The following C2orf81 variants were observed in gnomAD, a reference collection of about 807,000 sequenced individuals.
C2orf81 encodes the protein chromosome 2 open reading frame 81, also known as uncharacterized protein C2orf81.
Under a neutral mutation model 7.9 loss-of-function variants are expected in C2orf81, and 5 were observed. The ratio of observed to expected loss-of-function variants is 0.63; its 90% confidence interval spans 0.33 to 1.33. The LOEUF is 1.33. C2orf81 is among the 40% of genes most tolerant of loss of function. C2orf81 has a pLI of 0.05. For synonymous variants in C2orf81, 346 were observed against 367.4 expected (o/e 0.94, Z 0.66); for missense variants, 781 against 830.4 (o/e 0.94, Z 0.73).
Position 74,415,936 on chromosome 2 carries a change from G to T in C2orf81, c.250-9C>A, listed in dbSNP as rs1471195890. ...ATGGTGAATGGAATGCACTGCGGAGGCGAGAGAGGATCTCAGGTCGGCAGG... is the reference window on the plus strand; with the variant it reads ...ATGGTGAATGGAATGCACTGCGGAGTCGAGAGAGGATCTCAGGTCGGCAGG... On this transcript the variant is annotated splice_polypyrimidine_tract_variant and intron_variant, in intron 2 of 2. Transcript: ENST00000684111. This position sits in a 1 kb window ranked among gnomAD's most constrained non-coding sequence, Gnocchi z 5.5. The T allele has an allele frequency of 1.9e-6, 3 of 1,546,982 alleles. No individual in the cohort carries two copies. The highest frequency in any genetic ancestry group is 2.0e-5 in the Admixed American group (1 of 50,920).
rs1205979742 is a variant in C2orf81 at position 74,414,974 on chromosome 2, G to A, written c.1203C>T (p.Pro401=). ...GCTGGCGTCCGCGGTAGGCTTCCAAGGGGCGTGTTTGAGAGTCTGGGACCA... is the reference window on the plus strand; with the variant it reads ...GCTGGCGTCCGCGGTAGGCTTCCAAAGGGCGTGTTTGAGAGTCTGGGACCA... The part of the protein sequence containing the change: ...EVLVPDSQTR[P]LEAYRGRQRG... The change falls in exon 3 of 3, where the codon CCC becomes CCT. Residue 401 remains proline, a synonymous_variant. Coordinates refer to ENST00000684111, the MANE Select transcript of C2orf81 (RefSeq NM_001316764.3). This position sits in a 1 kb window ranked among gnomAD's most constrained non-coding sequence, Gnocchi z 5.3. The A allele has an allele frequency of 3.9e-6, 6 of 1,548,576 alleles. No homozygotes were observed. The East Asian group carries it at 1.2e-4, about 32-fold the overall frequency.
chr2:74,420,564 C>A (rs958640420), intron 1 of C2orf81, among the ~76,000 whole-genome samples: 1 of 152,120 alleles, frequency 6.6e-6, no homozygotes, highest in African/African-American at 2.4e-5. Context: ...CCCTATCCAC[C>A]AGTGAGAACA....
rs1277880016 is a variant in C2orf81 at position 74,415,083 on chromosome 2, T to G, written c.1094A>C (p.His365Pro). 6 of 1,548,038 alleles carry G rather than the reference T, an allele frequency of 3.9e-6. No homozygotes were observed. Among genetic ancestry groups the G allele is most frequent in the Non-Finnish European group, 5.2e-6 (6 of 1,145,530 alleles). ...CACGGCCGCCTTGCGGCGCATCCTG[T>G]GGTGGTGGGCGCTCAGCCGCACATC... ...HSDVRLSAHH[H>P]RMRRKAAVKR... is the part of the protein sequence containing the mutation. Residue 365 changes from histidine to proline, a missense_variant, in exon 3 of 3, where the codon CAC (histidine) becomes CCC (proline). Transcript: ENST00000684111. This position sits in a 1 kb window ranked among gnomAD's most constrained non-coding sequence, Gnocchi z 5.5.
Position 74,415,033 on chromosome 2 carries a change from G to A in C2orf81, c.1144C>T (p.Pro382Ser). The change falls in exon 3 of 3, where the codon CCG becomes TCG. Residue 382 changes from proline (P) to serine (S), a missense_variant. Pro to Ser is a moderately conservative substitution (Grantham distance 74, BLOSUM62 -1). Coordinates refer to ENST00000684111, the MANE Select transcript of C2orf81 (RefSeq NM_001316764.3). This position sits in a 1 kb window ranked among gnomAD's most constrained non-coding sequence, Gnocchi z 5.5. ...GCCAGAGGGCGCACCCAGTGGCACG[G>A]GAGCCTCGCAGGGTCCAGGCGTTTC... is the stretch of plus-strand genomic sequence containing the variant. ...AVKRLDPARL[P>S]CHWVRPLAEV... 1.3e-6 allele frequency: 2 copies of A among 1,548,700 alleles called. No individual in the cohort carries two copies. The highest frequency in any genetic ancestry group is 1.7e-6 in the Non-Finnish European group (2 of 1,145,988).
chr2:74,419,315 A>C (rs1312615678), intron 1 of C2orf81, among the ~76,000 whole-genome samples: 1 of 152,204 alleles, frequency 6.6e-6, no homozygotes, highest in Non-Finnish European at 1.5e-5. Flanking sequence ...GTTCAAGTCC[A>C]GCTTGGGCTA....
At chr2:74,418,232 T>C in intron 1 of C2orf81, 5 of 1,586,132 alleles carry the variant, frequency 3.2e-6, no homozygotes, top group Non-Finnish European at 4.3e-6. Flanking sequence ...TTCCCGGTCT[T>C]GGCAGCACCC....
In C2orf81 at chr2:74,414,860, T is replaced by G; in HGVS notation, c.1317A>C (p.Pro439=). The G allele has an allele frequency of 6.4e-7, 1 of 1,550,702 alleles. No individual in the cohort carries two copies. Among genetic ancestry groups the G allele is most frequent in the Non-Finnish European group, 8.7e-7 (1 of 1,146,320 alleles). The change falls in exon 3 of 3, where the codon CCA becomes CCC. Residue 439 remains proline (P), a synonymous_variant. Coordinates refer to ENST00000684111, the MANE Select transcript of C2orf81 (RefSeq NM_001316764.3). This position sits in a 1 kb window ranked among gnomAD's most constrained non-coding sequence, Gnocchi z 5.3. ...AGTCCAAGTCACGGAAAGGAATGCC[T>G]GGCCGGAGAGGGAAGAACGCTGCCG... The part of the protein sequence containing the change: ...VSPAAFFPLR[P]GIPFRDLDSG...
chr2:74,418,588 C>T, intron 1 of C2orf81: 4 of 646,934 alleles, frequency 6.2e-6, no homozygotes, highest in Admixed American at 2.4e-5. Context: ...CGCCCCTGGT[C>T]GCAAATGCGG....
chr2:74,417,119 G>T lies in C2orf81; in HGVS notation c.19-878C>A, dbSNP rs1676489522. ...GGATGAACATTTGGCGCTGCTAGCAGCAGCAATGACAGATGTCAAAGAATG... is the reference window on the plus strand; with the variant it reads ...GGATGAACATTTGGCGCTGCTAGCATCAGCAATGACAGATGTCAAAGAATG... On this transcript the variant is annotated intron_variant, in intron 1 of 2. Coordinates refer to ENST00000684111, the MANE Select transcript of C2orf81 (RefSeq NM_001316764.3). 2.6e-5 allele frequency among the ~76,000 whole-genome samples: 4 copies of T among 152,356 alleles called. No individual in the cohort carries two copies. In the South Asian group the frequency reaches 8.3e-4, roughly 32 times the overall value.
Position 74,415,465 on chromosome 2 carries a change from C to G in C2orf81, c.712G>C (p.Gly238Arg). ...SELFQEAGPG[G>R]PVEEADGQSR... ...TGGCCGTCCGCTTCCTCTACAGGACCTCCGGGCCCTGCCTCCTGAAACAGC... is the reference window on the plus strand; with the variant it reads ...TGGCCGTCCGCTTCCTCTACAGGACGTCCGGGCCCTGCCTCCTGAAACAGC... Residue 238 changes from glycine (G) to arginine (R), a missense_variant, in exon 3 of 3, where the codon GGT (glycine) becomes CGT (arginine). Gly to Arg is a moderately radical substitution (Grantham distance 125). Coordinates refer to ENST00000684111, the MANE Select transcript of C2orf81 (RefSeq NM_001316764.3). This position sits in a 1 kb window ranked among gnomAD's most constrained non-coding sequence, Gnocchi z 5.5. 4 of 1,536,806 alleles carry G rather than the reference C, an allele frequency of 2.6e-6. No individual in the cohort carries two copies. Among genetic ancestry groups the G allele is most frequent in the Non-Finnish European group, 3.5e-6 (4 of 1,136,052 alleles).
chr2:74,415,295 G>C lies in C2orf81; in HGVS notation c.882C>G (p.Leu294=), dbSNP rs977457324. ...GGTCTTCCAACGACAAATGGAAGCCGAGGGGGTGTCCCCTCCCAGTTGAGG... is the reference window on the plus strand; with the variant it reads ...GGTCTTCCAACGACAAATGGAAGCCCAGGGGGTGTCCCCTCCCAGTTGAGG... The part of the protein sequence containing the change: ...PQASTGRGHP[L]GFHLSLEDLY... The change falls in exon 3 of 3, where the codon CTC becomes CTG. Residue 294 remains leucine (L), a synonymous_variant. Transcript: ENST00000684111. This position sits in a 1 kb window ranked among gnomAD's most constrained non-coding sequence, Gnocchi z 5.5. 1 of 1,551,114 alleles carries C rather than the reference G, an allele frequency of 6.4e-7. No individual in the cohort carries two copies. The highest frequency in any genetic ancestry group is 2.0e-5 in the Admixed American group (1 of 50,956).
intron 1 of C2orf81, chr2:74,418,445 T>G: frequency 6.5e-7 from 1 of 1,535,174 alleles, no homozygotes; most frequent in Non-Finnish European, 9.0e-7. Flanking sequence ...TCGCTCATCT[T>G]CCCTTCTCTA....
At chr2:74,420,227 C>T (rs1676564949) in intron 1 of C2orf81, among the ~76,000 whole-genome samples, 2 of 151,924 alleles carry the variant, frequency 1.3e-5, no homozygotes, top group African/African-American at 4.8e-5. Flanking sequence ...CGTTTCCTTC[C>T]TATGCTCTTT....
At chr2:74,418,651 A>G in intron 1 of C2orf81, 1 of 568,918 alleles carries the variant, frequency 1.8e-6, no homozygotes, top group Non-Finnish European at 3.1e-6. Context: ...TCGGAGTCCC[A>G]CTTAGAAGAG....
Position 74,415,970 on chromosome 2 carries a change from GGA to G in C2orf81, c.249+39_249+40del. 6.5e-7 allele frequency: 1 copy of G among 1,547,674 alleles called. No homozygotes were observed. The highest frequency in any genetic ancestry group is 1.2e-5 in the South Asian group (1 of 83,754). On this transcript the variant is annotated intron_variant, in intron 2 of 2. Transcript: ENST00000684111. The surrounding 1 kb of genome is among the most constrained non-coding windows in gnomAD (Gnocchi z 5.5). ...GATCTCAGGTCGGCAGGGAGGGGCG[GGA>G]GAGGGAGACGAGTCTGAAGGACCCG...
chr2:74,415,470 G>T lies in C2orf81; in HGVS notation c.707C>A (p.Pro236His). The change falls in exon 3 of 3, where the codon CCC becomes CAC. Residue 236 changes from proline (P) to histidine (H), a missense_variant. Pro to His is a moderately conservative substitution (Grantham distance 77). Transcript: ENST00000684111. This position sits in a 1 kb window ranked among gnomAD's most constrained non-coding sequence, Gnocchi z 5.5. ...PTSELFQEAG[P>H]GGPVEEADGQ... ...GTCCGCTTCCTCTACAGGACCTCCG[G>T]GCCCTGCCTCCTGAAACAGCTCTGA... is the stretch of plus-strand genomic sequence containing the variant. 6.5e-7 allele frequency: 1 copy of T among 1,537,108 alleles called. No homozygotes were observed. Among genetic ancestry groups the T allele is most frequent in the South Asian group, 1.2e-5 (1 of 83,608 alleles).
intron 1 of C2orf81, among the ~76,000 whole-genome samples, chr2:74,420,978 C>T (rs1008364434): frequency 3.3e-5 from 5 of 151,892 alleles, no homozygotes; most frequent in South Asian, 2.1e-4. Flanking sequence ...GACGGGGTCT[C>T]GCCATGTTGG....
intron 1 of C2orf81, among the ~76,000 whole-genome samples, chr2:74,420,437 CT>C (rs1194491629): frequency 3.3e-5 from 5 of 152,208 alleles, no homozygotes; most frequent in Non-Finnish European, 5.9e-5. Context: ...CTTCCCAAAC[CT>C]TTGCCTATTG....
At chr2:74,418,898 T>A (rs1573215903) in intron 1 of C2orf81, among the ~76,000 whole-genome samples, 3 of 149,844 alleles carry the variant, frequency 2.0e-5, no homozygotes, top group African/African-American at 4.9e-5. Context: ...AAAAAAAAAA[T>A]GGCCGGGCGC....
Sources: allele counts gnomAD v4.1 joint callset (sites outside exome capture counted in the v4.1 genomes callset), GRCh38; gene constraint gnomAD v4.1.1; non-coding constraint Gnocchi (gnomAD v3.1); transcripts MANE v1.5; gene names NCBI Gene and HGNC (gene_info 2026-07-23, HGNC 2026-07-21).